Variants in RBM41 observed in about 807,000 individuals in gnomAD.
The protein encoded by RBM41 is RNA binding motif protein 41.
In RBM41, 14 loss-of-function variants were observed where a neutral mutation model predicts 30.8. The observed-to-expected ratio is 0.45, with a 90% CI of 0.30 to 0.71. The LOEUF (loss-of-function observed/expected upper bound fraction) is 0.71. RBM41 is among the 30% of genes least tolerant of loss of function. The pLI is 0.08. For missense variants in RBM41, 276 were observed against 326.3 expected (o/e 0.85, Z 1.19); for synonymous variants, 120 against 110.1 (o/e 1.09, Z -0.56).
intron 6 of RBM41, chrX:107,069,642 G>A (rs1152334): frequency 0.3 from 73,175 of 242,465 alleles, 12,329 homozygotes; most frequent in African/African-American, 0.77. Context: ...TTTAGTAGAC[G>A]TGGGGTTTCA....
intron 5 of RBM41, among the ~76,000 whole-genome samples, chrX:107,104,770 T>C (rs970277816): frequency 4.5e-5 from 5 of 111,453 alleles, no homozygotes; most frequent in Non-Finnish European, 7.5e-5. Context: ...TAGATAAGCT[T>C]TTTGATGTGC....
At chrX:107,112,391 A>G (rs1303263826) in intron 5 of RBM41, among the ~76,000 whole-genome samples, 1 of 111,729 alleles carries the variant, frequency 9.0e-6, no homozygotes, top group Non-Finnish European at 1.9e-5. Flanking sequence ...CCAAGTGCTG[A>G]CAAAGATGTA....
rs900696802 is a variant in RBM41, at chrX:107,067,267, C to T, written c.*260G>A. 1.6e-5 allele frequency: 14 copies of T among 862,507 alleles called. No homozygotes were observed. Among genetic ancestry groups the T allele is most frequent in the Admixed American group, 1.3e-4 (2 of 15,504 alleles). The allele number at this position is 862,507 out of a possible 1,213,427, so 71.1% of individuals were successfully genotyped here. A position where few individuals can be genotyped will look rare whatever the true frequency, so the allele number is the denominator to read the frequency against. ...TTTTTAAAAATCCTTAGGAATAATC[C>T]GTTGTAATTCATCCTGAGAAAATAA... is the stretch of plus-strand genomic sequence containing the variant. On this transcript the variant is annotated 3_prime_UTR_variant, in exon 8 of 8. Transcript: ENST00000685964.
downstream of RBM41, among the ~76,000 whole-genome samples, chrX:107,058,213 A>T (rs1196086309): frequency 9.4e-6 from 1 of 106,946 alleles, no homozygotes; most frequent in African/African-American, 3.4e-5. Context: ...GAATCACTTG[A>T]ACCTGGGAGG....
intron 6 of RBM41, among the ~76,000 whole-genome samples, chrX:107,080,630 T>C (rs1032191744): frequency 1.0e-5 from 1 of 100,432 alleles, no homozygotes. Context: ...ACTGCACTTG[T>C]ATCTTCTACA....
At chrX:107,107,035 T>C (rs1269361913) in intron 5 of RBM41, among the ~76,000 whole-genome samples, 1 of 111,170 alleles carries the variant, frequency 9.0e-6, no homozygotes, top group East Asian at 2.8e-4. Context: ...AAGAGGAAAA[T>C]CTAAATGTAT....
At chrX:107,098,513 T>C (rs1258514540) in intron 5 of RBM41, among the ~76,000 whole-genome samples, 2 of 111,199 alleles carry the variant, frequency 1.8e-5, no homozygotes, top group Non-Finnish European at 3.8e-5. Context: ...TGACAGAATA[T>C]CCATCCATAT....
chrX:107,056,381 G>A, the RBM41 span, among the ~76,000 whole-genome samples: 1 of 111,897 alleles, frequency 8.9e-6, no homozygotes, highest in African/African-American at 3.3e-5. Flanking sequence ...GGCTTTGATG[G>A]CAGTGTAATA....
intron 6 of RBM41, among the ~76,000 whole-genome samples, chrX:107,072,490 A>G (rs1427536162): frequency 1.8e-5 from 2 of 112,031 alleles, no homozygotes; most frequent in East Asian, 5.6e-4. Context: ...CACTGATGAA[A>G]GAAAAGTTTA....
intron 7 of RBM41, among the ~76,000 whole-genome samples, chrX:107,067,965 G>T (rs762891426): frequency 9.0e-6 from 1 of 111,722 alleles, no homozygotes; most frequent in Non-Finnish European, 1.9e-5. Flanking sequence ...CATAGGCAGC[G>T]TGCTAAAGAA....
Position 107,116,900 on chromosome X carries a change from A to C in RBM41, c.9-134T>G, listed in dbSNP as rs1033608497. On this transcript the variant is annotated intron_variant, in intron 1 of 7. Transcript: ENST00000685964. ...CTTCTCCAACAATTCATTGCCCTTT[A>C]CCATTTAGTCCATGAACACTTACTA... 4.9e-6 allele frequency: 3 copies of C among 613,755 alleles called. No individual in the cohort carries two copies. The African/African-American group carries it at 6.8e-5, about 14-fold the overall frequency. 50.6% of individuals were successfully genotyped at this position (613,755 alleles called of 1,213,427 possible). A position where few individuals can be genotyped will look rare whatever the true frequency, so the allele number is the denominator to read the frequency against.
chrX:107,107,492 A>T (rs1036549310), intron 5 of RBM41, among the ~76,000 whole-genome samples: 1 of 111,949 alleles, frequency 8.9e-6, no homozygotes, highest in Non-Finnish European at 1.9e-5. Flanking sequence ...AGGGACTAGG[A>T]GATAGATTGT....
At chrX:107,107,540 G>C (rs767269674) in intron 5 of RBM41, among the ~76,000 whole-genome samples, 6 of 111,848 alleles carry the variant, frequency 5.4e-5, no homozygotes, top group Non-Finnish European at 1.1e-4. Context: ...ACAGAGACGA[G>C]AAAGTTGTAG....
In RBM41 at chrX:107,118,802, G is replaced by A; in HGVS notation, c.-29C>T. On this transcript the variant is annotated 5_prime_UTR_variant, in exon 1 of 8. Transcript: ENST00000685964. ...TCCACAGGCCCCTACCTCCAACTTGGGTAAATAGGCCGCGGACCTCAAGTC... is the reference window on the plus strand; with the variant it reads ...TCCACAGGCCCCTACCTCCAACTTGAGTAAATAGGCCGCGGACCTCAAGTC... 8.3e-7 allele frequency: 1 copy of A among 1,208,821 alleles called. No homozygotes were observed. The highest frequency in any genetic ancestry group is 1.1e-6 in the Non-Finnish European group (1 of 894,849).
At chrX:107,090,533 G>A (rs1204803440) in intron 5 of RBM41, among the ~76,000 whole-genome samples, 1 of 111,292 alleles carries the variant, frequency 9.0e-6, no homozygotes, top group Non-Finnish European at 1.9e-5. Context: ...CCTTCAAATC[G>A]GCTCCTGTAT....
chrX:107,067,780 A>T, intron 7 of RBM41, 87 bp from the exon 8 acceptor site: 3 of 1,024,528 alleles, frequency 2.9e-6, no homozygotes, highest in Non-Finnish European at 3.8e-6. Flanking sequence ...TTTGCCTTGG[A>T]GTTAAATGTA....
intron 5 of RBM41, among the ~76,000 whole-genome samples, chrX:107,111,885 G>A (rs919902590): frequency 9.0e-6 from 1 of 111,337 alleles, no homozygotes; most frequent in South Asian, 3.7e-4. Context: ...TGGAGAAAAC[G>A]GGGAGTTAGT....
At chrX:107,103,849 T>G (rs905115413) in intron 5 of RBM41, among the ~76,000 whole-genome samples, 1 of 111,465 alleles carries the variant, frequency 9.0e-6, no homozygotes, top group African/African-American at 3.3e-5. Context: ...AGGATGGGAA[T>G]TACTGGAAAG....
intron 6 of RBM41, among the ~76,000 whole-genome samples, chrX:107,077,538 TTGTA>T (rs1921076179): frequency 9.4e-6 from 1 of 106,205 alleles, no homozygotes; most frequent in Non-Finnish European, 1.9e-5. Context: ...AAGTGCAGAC[TTGTA>T]TGTATGTATG....
Sources: allele counts gnomAD v4.1 joint callset (sites outside exome capture counted in the v4.1 genomes callset), GRCh38; gene constraint gnomAD v4.1.1; transcripts MANE v1.5; gene names NCBI Gene and HGNC (gene_info 2026-07-23, HGNC 2026-07-21).